Variants in SYT1 observed in about 807,000 individuals in gnomAD.
SYT1 encodes the protein synaptotagmin 1.
Under a neutral mutation model 44.8 loss-of-function variants are expected in SYT1, and 8 were observed. That is an observed-to-expected ratio of 0.18 (90% confidence interval 0.10 to 0.32). The LOEUF is 0.32. Among genes scored for constraint, SYT1 ranks in the 10% least tolerant of loss-of-function variants. SYT1 has a pLI of 1.00. For missense variants in SYT1, 286 were observed against 509.3 expected, an observed-to-expected ratio of 0.56 and a Z score of 4.22; for synonymous variants, 154 against 188.8, an observed-to-expected ratio of 0.82 and a Z score of 1.51.
chr12:78,910,649 A>T (rs1358959706), intron 1 of SYT1, among the ~76,000 whole-genome samples: 1 of 152,014 alleles, frequency 6.6e-6, no homozygotes, highest in Non-Finnish European at 1.5e-5. Flanking sequence ...TGAAAATTGC[A>T]GTCTAGACAA....
intron 2 of SYT1, among the ~76,000 whole-genome samples, chr12:78,996,059 T>A (rs1294162366): frequency 6.6e-6 from 1 of 151,794 alleles, no homozygotes; most frequent in African/African-American, 2.4e-5. Context: ...CCCAGGTCTA[T>A]CTCCATCCAG....
At position 78,876,795 on chromosome 12, in the gene SYT1, A is replaced by ATTATATATTT. The variant is rs1555177056; in HGVS notation, c.-217+11686_-217+11687insTTATATATTT. Among the ~76,000 whole-genome samples the ATTATATATTT allele has an allele frequency of 8.0e-3, 217 of 26,990 alleles. 1 individual carries two copies. Among genetic ancestry groups the ATTATATATTT allele is most frequent in the African/African-American group, 0.028 (149 of 5,408 alleles). The allele number at this position is 26,990 out of a possible 152,430, so 17.7% of individuals were successfully genotyped here. A position where few individuals can be genotyped will look rare whatever the true frequency, so the allele number is the denominator to read the frequency against. ...TATTTATATATTATATAATACATAT[A>ATTATATATTT]ATATATTATATGTAATACATATCAT... is the stretch of plus-strand genomic sequence containing the variant. On this transcript the variant is annotated intron_variant, in intron 1 of 10. Coordinates refer to ENST00000261205, the MANE Select transcript of SYT1 (RefSeq NM_005639.3).
At chr12:78,970,403 AT>A (rs1416111183) in intron 1 of SYT1, among the ~76,000 whole-genome samples, 4 of 152,194 alleles carry the variant, frequency 2.6e-5, no homozygotes, top group Non-Finnish European at 5.9e-5. Context: ...AGTTGCCTAA[AT>A]TTTAAAAGGT....
At chr12:78,883,460 TAGTCA>T (rs1874572493) in intron 1 of SYT1, among the ~76,000 whole-genome samples, 1 of 151,710 alleles carries the variant, frequency 6.6e-6, no homozygotes, top group Non-Finnish European at 1.5e-5. Flanking sequence ...ATATTAGATG[TAGTCA>T]AGTCTTCTCT....
intron 8 of SYT1, among the ~76,000 whole-genome samples, chr12:79,305,790 G>A (rs192520069): frequency 2.4e-3 from 358 of 152,190 alleles, no homozygotes; most frequent in Non-Finnish European, 3.4e-3. Flanking sequence ...CCCGCCTCCC[G>A]GGTTCAAGCG....
At chr12:79,430,684 G>C (rs891548813) in intron 9 of SYT1, among the ~76,000 whole-genome samples, 1 of 152,228 alleles carries the variant, frequency 6.6e-6, no homozygotes, top group Non-Finnish European at 1.5e-5. Flanking sequence ...CTACTTGGGA[G>C]GCTGAGGTGG....
intron 3 of SYT1, among the ~76,000 whole-genome samples, chr12:79,179,282 A>C (rs1296281108): frequency 1.5e-4 from 19 of 123,632 alleles, no homozygotes; most frequent in African/African-American, 4.1e-4. Context: ...ATAGATATAG[A>C]TATATAGATA....
intron 2 of SYT1, among the ~76,000 whole-genome samples, chr12:79,014,514 A>G (rs969874562): frequency 6.6e-6 from 1 of 152,114 alleles, no homozygotes; most frequent in Non-Finnish European, 1.5e-5. Context: ...ACAATGAGAT[A>G]CCATCTCACA....
chr12:79,369,767 A>G (rs1883705896), intron 9 of SYT1, among the ~76,000 whole-genome samples: 1 of 152,130 alleles, frequency 6.6e-6, no homozygotes, highest in Non-Finnish European at 1.5e-5. Context: ...TCATACTTTT[A>G]TAGCACATGC....
At chr12:79,440,576 A>G (rs1009231088) in intron 9 of SYT1, among the ~76,000 whole-genome samples, 1 of 152,218 alleles carries the variant, frequency 6.6e-6, no homozygotes, top group African/African-American at 2.4e-5. Flanking sequence ...AGCTGTACTC[A>G]GGAAAAGCAA....
At chr12:78,968,380 C>G (rs1391301846) in intron 1 of SYT1, among the ~76,000 whole-genome samples, 1 of 151,998 alleles carries the variant, frequency 6.6e-6, no homozygotes, top group South Asian at 2.1e-4. Flanking sequence ...CCCCTCTAGC[C>G]CCCACCACCC....
intron 3 of SYT1, among the ~76,000 whole-genome samples, chr12:79,060,609 T>C (rs753435584): frequency 2.0e-5 from 3 of 152,108 alleles, no homozygotes; most frequent in Non-Finnish European, 4.4e-5. Flanking sequence ...TTTTGTATAT[T>C]GTCAAGGTTT....
At position 79,285,943 on chromosome 12, in the gene SYT1, A is replaced by G. The variant is rs1879291216; in HGVS notation, c.323A>G (p.Lys108Arg). The stretch of plus-strand genomic sequence containing the variant: ...AATGCCATTAACATGAAAGATGTAA[A>G]AGACTTAGGGAAGACGATGAAAGAT... Reference protein sequence around the residue: ...GKNAINMKDVKDLGKTMKDQA... With the variant: ...GKNAINMKDVRDLGKTMKDQA... The change falls in exon 5 of 11, where the codon AAA (lysine) becomes AGA (arginine). Residue 108 changes from lysine to arginine, a missense_variant. Around this residue, in one of 6 missense-constraint regions of SYT1, gnomAD observed 141 missense variants for 165.7 expected, o/e 0.85. Coordinates refer to ENST00000261205, the MANE Select transcript of SYT1 (RefSeq NM_005639.3). 1 of 1,612,444 alleles carries G rather than the reference A, an allele frequency of 6.2e-7. No individual in the cohort carries two copies. The highest frequency in any genetic ancestry group is 8.5e-7 in the Non-Finnish European group (1 of 1,179,694).
chr12:78,894,113 A>G (rs2137078992), intron 1 of SYT1, among the ~76,000 whole-genome samples: 1 of 151,348 alleles, frequency 6.6e-6, no homozygotes, highest in African/African-American at 2.4e-5. Context: ...ACAAGTGTCA[A>G]GAAACTTAAC....
chr12:79,386,787 C>G lies in SYT1; in HGVS notation c.928+33168C>G, dbSNP rs7132563. 4.4e-3 allele frequency among the ~76,000 whole-genome samples: 668 copies of G among 152,282 alleles called. 3 individuals carry two copies. The highest frequency in any genetic ancestry group is 0.014 in the African/African-American group (587 of 41,550). On this transcript the variant is annotated intron_variant, in intron 9 of 10. Coordinates refer to ENST00000261205, the MANE Select transcript of SYT1 (RefSeq NM_005639.3). ...TCCAAGTCTCCTCAATGCCTAGCCT[C>G]GTGCATCCATGGGTCTGTAGTTGCG...
chr12:79,356,697 C>T (rs1883126413), intron 9 of SYT1, among the ~76,000 whole-genome samples: 1 of 152,188 alleles, frequency 6.6e-6, no homozygotes, highest in South Asian at 2.1e-4. Context: ...CTGCCACTAA[C>T]TAGCAATTTG....
chr12:79,373,524 A>G (rs1454510115), intron 9 of SYT1, among the ~76,000 whole-genome samples: 4 of 152,168 alleles, frequency 2.6e-5, no homozygotes, highest in Non-Finnish European at 5.9e-5. Context: ...ATATCTGTTT[A>G]ACTTTGTAAT....
intron 8 of SYT1, among the ~76,000 whole-genome samples, chr12:79,333,083 G>A (rs1448432058): frequency 6.6e-6 from 1 of 152,084 alleles, no homozygotes; most frequent in African/African-American, 2.4e-5. Flanking sequence ...GACTAAAATG[G>A]CCATAGTTAT....
chr12:79,041,601 T>C (rs1048396950), intron 2 of SYT1, among the ~76,000 whole-genome samples: 4 of 152,150 alleles, frequency 2.6e-5, no homozygotes, highest in Admixed American at 2.0e-4. Flanking sequence ...ATTTTCCTAA[T>C]TGAATACCCT....
Sources: allele counts gnomAD v4.1 joint callset (sites outside exome capture counted in the v4.1 genomes callset), GRCh38; gene constraint gnomAD v4.1.1; regional missense constraint gnomAD v4.1.1; transcripts MANE v1.5; gene names NCBI Gene and HGNC (gene_info 2026-07-23, HGNC 2026-07-21).